The following WWC2 variants were observed in gnomAD, a reference collection of about 807,000 sequenced individuals.
WWC2 encodes the protein WW and C2 domain containing 2.
WWC2 carries 101 observed loss-of-function variants against 138.5 expected under a neutral mutation model. That is an observed-to-expected ratio of 0.73 (90% CI 0.62 to 0.86). The LOEUF is 0.86. WWC2 is among the 40% of genes least tolerant of loss of function. The pLI, the probability that WWC2 is intolerant of heterozygous loss-of-function variation, is 0.00. For synonymous variants in WWC2, 558 were observed against 538.4 expected (o/e 1.04, Z -0.50); for missense variants, 1,420 against 1,419.4 (o/e 1.00, Z -0.01).
chr4:183,206,889 G>A (rs578166519), intron 2 of WWC2, among the ~76,000 whole-genome samples: 1 of 152,198 alleles, frequency 6.6e-6, no homozygotes, highest in African/African-American at 2.4e-5. Context: ...AACATAAAAT[G>A]TTTAGGGTAA....
chr4:183,189,776 G>A (rs1444100276), intron 1 of WWC2, among the ~76,000 whole-genome samples: 1 of 152,192 alleles, frequency 6.6e-6, no homozygotes, highest in Non-Finnish European at 1.5e-5. Flanking sequence ...AAGAGTTTTA[G>A]TAACCTGAAA....
intron 1 of WWC2, among the ~76,000 whole-genome samples, chr4:183,133,951 A>G (rs993184287): frequency 2.0e-5 from 3 of 152,188 alleles, no homozygotes; most frequent in Non-Finnish European, 4.4e-5. Flanking sequence ...TGGTTGTGGC[A>G]TTTTAACTAC....
intron 21 of WWC2, among the ~76,000 whole-genome samples, chr4:183,311,030 C>T (rs1008517570): frequency 2.6e-5 from 4 of 152,102 alleles, no homozygotes; most frequent in African/African-American, 9.7e-5. Flanking sequence ...CCCAGATTTA[C>T]ATCGCTAGTA....
At chr4:183,187,243 G>T (rs552481638) in intron 1 of WWC2, among the ~76,000 whole-genome samples, 1 of 152,128 alleles carries the variant, frequency 6.6e-6, no homozygotes, top group African/African-American at 2.4e-5. Context: ...GTCACATACA[G>T]AATTAAATCT....
chr4:183,309,019 A>G (rs1739116963), intron 21 of WWC2, among the ~76,000 whole-genome samples: 1 of 152,224 alleles, frequency 6.6e-6, no homozygotes, highest in South Asian at 2.1e-4. Flanking sequence ...AGAACTGGAC[A>G]TTTATTCACA....
chr4:183,181,796 A>AGTTT (rs1734641412), intron 1 of WWC2, among the ~76,000 whole-genome samples: 1 of 152,204 alleles, frequency 6.6e-6, no homozygotes, highest in South Asian at 2.1e-4. Flanking sequence ...ACTGTACATA[A>AGTTT]GTTTATACAT....
At chr4:183,192,739 A>G (rs1735024358) in intron 1 of WWC2, among the ~76,000 whole-genome samples, 2 of 152,174 alleles carry the variant, frequency 1.3e-5, no homozygotes, top group African/African-American at 2.4e-5. Context: ...GCATTAAATT[A>G]GAAAATGTGT....
chr4:183,160,153 T>C (rs977826751), intron 1 of WWC2, among the ~76,000 whole-genome samples: 2 of 152,270 alleles, frequency 1.3e-5, no homozygotes, highest in South Asian at 2.1e-4. Context: ...ATGTGCATCA[T>C]GATCAGTGAC....
intron 2 of WWC2, among the ~76,000 whole-genome samples, chr4:183,197,269 G>T (rs1439737029): frequency 6.6e-6 from 1 of 152,096 alleles, no homozygotes; most frequent in Non-Finnish European, 1.5e-5. Context: ...CCAAATGACC[G>T]ACAGCAAACA....
At chr4:183,224,351 CTAAG>C (rs1227996090) in intron 4 of WWC2, among the ~76,000 whole-genome samples, 4 of 152,108 alleles carry the variant, frequency 2.6e-5, no homozygotes, top group African/African-American at 9.7e-5. Context: ...ATATTACAGT[CTAAG>C]TATACCATTC....
At chr4:183,235,338 A>T (rs2111298200) in intron 4 of WWC2, among the ~76,000 whole-genome samples, 1 of 152,174 alleles carries the variant, frequency 6.6e-6, no homozygotes, top group East Asian at 1.9e-4. Context: ...ATTTTTTTTG[A>T]ATTTCCATTT....
intron 18 of WWC2, among the ~76,000 whole-genome samples, chr4:183,283,404 G>C (rs562077979): frequency 6.6e-6 from 1 of 152,160 alleles, no homozygotes; most frequent in South Asian, 2.1e-4. Flanking sequence ...GAGATGTATT[G>C]AGACTGTCAA....
At chr4:183,224,685 C>T (rs1343373849) in intron 4 of WWC2, among the ~76,000 whole-genome samples, 1 of 152,152 alleles carries the variant, frequency 6.6e-6, no homozygotes, top group Non-Finnish European at 1.5e-5. Flanking sequence ...CTTAGCCTCC[C>T]GAGTAGCTGA....
At chr4:183,150,368 C>A (rs1733603545) in intron 1 of WWC2, among the ~76,000 whole-genome samples, 1 of 152,132 alleles carries the variant, frequency 6.6e-6, no homozygotes, top group African/African-American at 2.4e-5. Context: ...AGGCCAAGTT[C>A]ATAGATTTTA....
chr4:183,242,921 AAAAC>A (rs1374444370), intron 5 of WWC2, among the ~76,000 whole-genome samples: 1 of 152,238 alleles, frequency 6.6e-6, no homozygotes, highest in Non-Finnish European at 1.5e-5. Flanking sequence ...GTGGAGGAGA[AAAAC>A]AAGAAACAGT....
rs1739410686 is a variant in WWC2 at position 183,315,698 on chromosome 4, G to A, written c.3548G>A (p.Ser1183Asn). The change falls in exon 23 of 23, where the codon AGC (serine) becomes AAC (asparagine). Residue 1183 changes from serine (S) to asparagine (N), a missense_variant. Physicochemically the swap from Ser to Asn is conservative, Grantham distance 46 (BLOSUM62 1). Transcript: ENST00000403733. ...GCCTACTTCACCAGAGCAAAGATAAGCATCCCATCCCTGCCAGCTGATGAT... is the reference window on the plus strand; with the variant it reads ...GCCTACTTCACCAGAGCAAAGATAAACATCCCATCCCTGCCAGCTGATGAT... ...KIAYFTRAKI[S>N]IPSLPADDV 1.9e-6 allele frequency: 3 copies of A among 1,613,454 alleles called. No individual in the cohort carries two copies. Among genetic ancestry groups the A allele is most frequent in the Admixed American group, 1.7e-5 (1 of 59,970 alleles).
intron 1 of WWC2, among the ~76,000 whole-genome samples, chr4:183,128,590 T>G (rs1732832835): frequency 6.6e-6 from 1 of 152,230 alleles, no homozygotes; most frequent in African/African-American, 2.4e-5. Flanking sequence ...ATCATTTACT[T>G]TCTACTTGTT....
chr4:183,171,991 A>G (rs532815205), intron 1 of WWC2, among the ~76,000 whole-genome samples: 1 of 152,280 alleles, frequency 6.6e-6, no homozygotes, highest in Admixed American at 6.5e-5. Context: ...TTATTCATGG[A>G]TGACCTATCT....
At chr4:183,221,878 T>G (rs750462085) in intron 4 of WWC2, among the ~76,000 whole-genome samples, 16 of 152,142 alleles carry the variant, frequency 1.1e-4, no homozygotes, top group Non-Finnish European at 1.8e-4. Context: ...TAACATACTA[T>G]CTAGCAATCA....
Sources: gnomAD v4.1 joint callset for allele counts (sites outside exome capture counted in the v4.1 genomes callset) on GRCh38, gnomAD v4.1.1 for gene constraint, MANE v1.5 for transcripts, NCBI Gene and HGNC (gene_info 2026-07-23, HGNC 2026-07-21) for gene names.